The following VAV3 variants were observed in gnomAD, a reference collection of about 807,000 sequenced individuals.
VAV3 encodes guanine nucleotide exchange factor VAV3.
A neutral mutation model predicts 131.2 loss-of-function variants in VAV3; 94 were observed. The ratio of observed to expected loss-of-function variants is 0.72; its 90% CI spans 0.61 to 0.85. The LOEUF (loss-of-function observed/expected upper bound fraction) is 0.85. Among genes scored for constraint, VAV3 ranks in the 40% least tolerant of loss-of-function variants. VAV3 has a pLI of 0.00. For synonymous variants in VAV3, 349 were observed against 342.0 expected, an observed-to-expected ratio of 1.02 and a Z score of -0.22; for missense variants, 939 against 1,002.7, an observed-to-expected ratio of 0.94 and a Z score of 0.86.
At chr1:107,706,262 G>C (rs951523414) in intron 15 of VAV3, among the ~76,000 whole-genome samples, 2 of 152,088 alleles carry the variant, frequency 1.3e-5, no homozygotes, top group Admixed American at 6.6e-5. Flanking sequence ...GAATCCTGGC[G>C]AAATGAAGCA....
At chr1:107,669,252 A>G in intron 19 of VAV3, 1 of 1,252,234 alleles carries the variant, frequency 8.0e-7, no homozygotes, top group Non-Finnish European at 1.0e-6. Context: ...CTAAGTGTCC[A>G]TAGGATCTCT....
At chr1:107,929,192 G>A (rs1017728139) in intron 1 of VAV3, among the ~76,000 whole-genome samples, 12 of 150,486 alleles carry the variant, frequency 8.0e-5, no homozygotes, top group African/African-American at 2.4e-4. Context: ...GGAGGCTGAG[G>A]CAGGAGAATG....
intron 15 of VAV3, among the ~76,000 whole-genome samples, chr1:107,732,806 C>T (rs114591691): frequency 3.9e-5 from 6 of 152,334 alleles, no homozygotes; most frequent in Non-Finnish European, 8.8e-5. Flanking sequence ...TAAAAGGCAG[C>T]AGAAACGTTT....
chr1:107,906,696 C>CATAAA (rs1204451270), intron 1 of VAV3, among the ~76,000 whole-genome samples: 1 of 151,784 alleles, frequency 6.6e-6, no homozygotes, highest in Admixed American at 6.6e-5. Context: ...CAATACAATA[C>CATAAA]ATAAAATAAA....
At chr1:107,693,727 C>A (rs776275895) in intron 17 of VAV3, among the ~76,000 whole-genome samples, 1 of 152,120 alleles carries the variant, frequency 6.6e-6, no homozygotes, top group Non-Finnish European at 1.5e-5. Flanking sequence ...ATATTAAGTG[C>A]CACTCCTCTG....
intron 20 of VAV3, among the ~76,000 whole-genome samples, chr1:107,627,567 A>C (rs914003824): frequency 2.0e-5 from 3 of 152,172 alleles, no homozygotes; most frequent in Non-Finnish European, 4.4e-5. Context: ...CTGGAAAATA[A>C]AGCATGTCTT....
chr1:107,737,187 C>T (rs540171328), intron 15 of VAV3, among the ~76,000 whole-genome samples: 38 of 152,260 alleles, frequency 2.5e-4, no homozygotes, highest in Non-Finnish European at 4.9e-4. Flanking sequence ...TTCCTTACAC[C>T]TTATACAAAA....
intron 19 of VAV3, among the ~76,000 whole-genome samples, chr1:107,664,364 G>T (rs1039898162): frequency 2.6e-5 from 4 of 151,028 alleles, no homozygotes; most frequent in African/African-American, 9.8e-5. Context: ...CCCACAAAAG[G>T]CCCCAGTGTG....
chr1:107,602,880 G>GT (rs1302829926), intron 23 of VAV3, among the ~76,000 whole-genome samples, 167 bp downstream of exon 23: 2 of 152,062 alleles, frequency 1.3e-5, no homozygotes, highest in African/African-American at 4.8e-5. Flanking sequence ...ACTTTTTACT[G>GT]TTTTTCAAAG....
chr1:107,887,020 A>T (rs993915460), intron 1 of VAV3, among the ~76,000 whole-genome samples: 9 of 152,262 alleles, frequency 5.9e-5, no homozygotes, highest in Admixed American at 1.3e-4. Context: ...GTAAAACAAG[A>T]AAGTAAACAT....
Position 107,573,253 on chromosome 1 carries a change from T to A in VAV3, c.*78A>T. On this transcript the variant is annotated 3_prime_UTR_variant, in exon 27 of 27. Transcript: ENST00000370056. The stretch of plus-strand genomic sequence containing the variant: ...AATGCAGCTTTTTAAACACTTCAGT[T>A]AATTCACGATGCTGTGCAGGCTTCT... 2 of 1,523,958 alleles carry A rather than the reference T, an allele frequency of 1.3e-6. No individual in the cohort carries two copies. Among genetic ancestry groups the A allele is most frequent in the Non-Finnish European group, 1.8e-6 (2 of 1,114,452 alleles). The allele number at this position is 1,523,958 out of a possible 1,614,324, so 94.4% of individuals were successfully genotyped here.
chr1:107,908,702 C>A (rs527765568), intron 1 of VAV3, among the ~76,000 whole-genome samples: 46 of 152,122 alleles, frequency 3.0e-4, no homozygotes, highest in African/African-American at 1.1e-3. Context: ...AAGGAAAGGA[C>A]TACTGAAGAA....
chr1:107,595,498 A>T (rs1340078771), intron 25 of VAV3, among the ~76,000 whole-genome samples: 1 of 152,222 alleles, frequency 6.6e-6, no homozygotes, highest in Non-Finnish European at 1.5e-5. Context: ...ATTTAAAAAA[A>T]ATAAAGTGAT....
chr1:107,589,957 C>T (rs910801191), intron 25 of VAV3, among the ~76,000 whole-genome samples: 9 of 152,004 alleles, frequency 5.9e-5, no homozygotes, highest in Non-Finnish European at 8.8e-5. Flanking sequence ...TAAATAAATA[C>T]GACACAAATT....
intron 18 of VAV3, among the ~76,000 whole-genome samples, chr1:107,686,724 A>AT (rs1214892995): frequency 2.6e-5 from 4 of 152,230 alleles, no homozygotes; most frequent in Non-Finnish European, 5.9e-5. Context: ...AACTGATGTT[A>AT]TATATTTTTA....
At chr1:107,808,184 T>C (rs1440905154) in intron 2 of VAV3, among the ~76,000 whole-genome samples, 1 of 152,198 alleles carries the variant, frequency 6.6e-6, no homozygotes, top group African/African-American at 2.4e-5. Context: ...TTTCCATCTT[T>C]AGTAGAAATA....
intron 8 of VAV3, among the ~76,000 whole-genome samples, chr1:107,765,983 TAGAA>T (rs1664711860): frequency 6.6e-6 from 1 of 152,134 alleles, no homozygotes; most frequent in Admixed American, 6.5e-5. Context: ...TTTTTTAACT[TAGAA>T]AGGGAAACTG....
At chr1:107,687,906 C>CA (rs1401067606) in intron 18 of VAV3, among the ~76,000 whole-genome samples, 2 of 152,132 alleles carry the variant, frequency 1.3e-5, no homozygotes, top group African/African-American at 4.8e-5. Context: ...ACTAGATCTT[C>CA]ATTTGATCAA....
At chr1:107,860,283 G>A (rs1557886910) in intron 2 of VAV3, among the ~76,000 whole-genome samples, 3 of 151,970 alleles carry the variant, frequency 2.0e-5, no homozygotes, top group Non-Finnish European at 2.9e-5. Flanking sequence ...ACCACACCTG[G>A]CTAATTTTTG....
Sources: allele counts gnomAD v4.1 joint callset (sites outside exome capture counted in the v4.1 genomes callset), GRCh38; gene constraint gnomAD v4.1.1; transcripts MANE v1.5; gene names NCBI Gene and HGNC (gene_info 2026-07-23, HGNC 2026-07-21).